WWC2: variants seen among roughly 807,000 people sequenced by gnomAD.
WWC2 encodes the protein protein WWC2.
In WWC2, 101 loss-of-function variants were observed where a neutral mutation model predicts 138.5. The observed-to-expected ratio is 0.73, with a 90% CI of 0.62 to 0.86. The LOEUF (loss-of-function observed/expected upper bound fraction) is 0.86. WWC2 is among the 40% of genes least tolerant of loss of function. WWC2 has a pLI of 0.00. For synonymous variants in WWC2, 558 were observed against 538.4 expected (o/e 1.04, Z -0.50); for missense variants, 1,420 against 1,419.4 (o/e 1.00, Z -0.01).
intron 1 of WWC2, among the ~76,000 whole-genome samples, chr4:183,188,959 T>C (rs1203426363): frequency 6.6e-6 from 1 of 152,108 alleles, no homozygotes; most frequent in African/African-American, 2.4e-5. Context: ...TAATATGACT[T>C]CCTTCCAATC....
intron 14 of WWC2, among the ~76,000 whole-genome samples, chr4:183,268,483 C>T (rs1376689051): frequency 2.0e-5 from 3 of 152,118 alleles, no homozygotes; most frequent in African/African-American, 7.2e-5. Context: ...TGCTACTGAG[C>T]CTTTCTTTTT....
At chr4:183,222,579 C>G (rs1735963367) in intron 4 of WWC2, among the ~76,000 whole-genome samples, 1 of 151,900 alleles carries the variant, frequency 6.6e-6, no homozygotes, top group Non-Finnish European at 1.5e-5. Context: ...GATGCAATAT[C>G]AAAATCCTAA....
At position 183,151,821 on chromosome 4, in the gene WWC2, C is replaced by G. The variant is rs577356397; in HGVS notation, c.132-41778C>G. On this transcript the variant is annotated intron_variant, in intron 1 of 22. Coordinates refer to ENST00000403733, the MANE Select transcript of WWC2 (RefSeq NM_024949.6). ...AATCCTTTCAACATTTCTTGTTTTT[C>G]TCAGGTTTGTCAAAGATCAGATGGT... is the stretch of plus-strand genomic sequence containing the variant. Among the ~76,000 whole-genome samples, 538 of 152,256 alleles carry G rather than the reference C, an allele frequency of 3.5e-3. 5 individuals are homozygous for G. Among genetic ancestry groups the G allele is most frequent in the Middle Eastern group, 0.02 (6 of 294 alleles).
At chr4:183,127,721 C>T (rs1267813643) in intron 1 of WWC2, among the ~76,000 whole-genome samples, 6 of 152,094 alleles carry the variant, frequency 3.9e-5, no homozygotes, top group Non-Finnish European at 7.4e-5. Flanking sequence ...AATCATTTTA[C>T]TATCTATATT....
At chr4:183,140,468 C>T (rs1377940) in intron 1 of WWC2, among the ~76,000 whole-genome samples, 19,054 of 152,070 alleles carry the variant, frequency 0.13, 1,392 homozygotes, top group South Asian at 0.21. Context: ...GATTTGAGAC[C>T]ACTGCTTCAA....
chr4:183,293,519 A>C (rs1172065304), intron 21 of WWC2, among the ~76,000 whole-genome samples: 1 of 152,240 alleles, frequency 6.6e-6, no homozygotes, highest in Non-Finnish European at 1.5e-5. Flanking sequence ...TGTGATCATA[A>C]ATAGGTAAAC....
intron 11 of WWC2, among the ~76,000 whole-genome samples, chr4:183,264,737 T>C (rs1737437013): frequency 6.6e-6 from 1 of 152,180 alleles, no homozygotes; most frequent in Non-Finnish European, 1.5e-5. Flanking sequence ...CCTTAAAATA[T>C]TTCAGGACAA....
intron 12 of WWC2, 45 bp downstream of exon 12, chr4:183,265,152 C>G: frequency 2.5e-6 from 4 of 1,573,066 alleles, no homozygotes; most frequent in Non-Finnish European, 3.5e-6. Context: ...GAATCTCCAT[C>G]GCCGTGGATG....
At position 183,316,810 on chromosome 4, in the gene WWC2, G is replaced by A. The variant is rs1319981842; in HGVS notation, c.*1081G>A. 1 of 152,134 alleles carries A rather than the reference G, an allele frequency of 6.6e-6. No homozygotes were observed. Among genetic ancestry groups the A allele is most frequent in the African/African-American group, 2.4e-5 (1 of 41,406 alleles). 9.4% of individuals were successfully genotyped at this position (152,134 alleles called of 1,614,324 possible). On this transcript the variant is annotated 3_prime_UTR_variant, in exon 23 of 23. Transcript: ENST00000403733. ...TTAGGGGGTTCTATCTATAATTTAT[G>A]GTAAATAGTTGGGAGGCAAAGGGAA... is the stretch of plus-strand genomic sequence containing the variant.
rs921609355 is a variant in WWC2, at chr4:183,320,463, G to A, written c.*4734G>A. 9 of 519,874 alleles carry A rather than the reference G, an allele frequency of 1.7e-5. No individual in the cohort carries two copies. Among genetic ancestry groups the A allele is most frequent in the South Asian group, 3.5e-5 (1 of 28,204 alleles). The allele number at this position is 519,874 out of a possible 1,614,324, so 32.2% of individuals were successfully genotyped here. ...CCAAGATTGTGTTTGTGTCCTGTGG[G>A]CTGGATTTGACAGAAAGCAGTTTGT... On this transcript the variant is annotated 3_prime_UTR_variant, in exon 23 of 23. Transcript: ENST00000403733.
chr4:183,253,603 C>T (rs2111341603), intron 8 of WWC2, among the ~76,000 whole-genome samples, 154 bp from the exon 9 acceptor site: 1 of 152,302 alleles, frequency 6.6e-6, no homozygotes, highest in South Asian at 2.1e-4. Flanking sequence ...GCTGCTCCCA[C>T]TCCGGCCTCT....
At chr4:183,189,280 C>CAA (rs959026046) in intron 1 of WWC2, among the ~76,000 whole-genome samples, 1 of 151,260 alleles carries the variant, frequency 6.6e-6, no homozygotes, top group Non-Finnish European at 1.5e-5. Context: ...ACTAAAAATA[C>CAA]AAAAAAATTA....
In WWC2 at chr4:183,315,901, C is replaced by A; in HGVS notation, c.*172C>A. The A allele has an allele frequency of 3.7e-6, 2 of 541,368 alleles. No individual in the cohort carries two copies. The highest frequency in any genetic ancestry group is 3.3e-6 in the Non-Finnish European group (1 of 306,882). 33.5% of individuals were successfully genotyped at this position (541,368 alleles called of 1,614,324 possible). A position where few individuals can be genotyped will look rare whatever the true frequency, so the allele number is the denominator to read the frequency against. ...TTCAACACATTAATTTGTAAAGTAC[C>A]TTGAGTGTAATTTTTATATGCTTAA... On this transcript the variant is annotated 3_prime_UTR_variant, in exon 23 of 23. Coordinates refer to ENST00000403733, the MANE Select transcript of WWC2 (RefSeq NM_024949.6).
At chr4:183,122,258 T>C (rs990702612) in intron 1 of WWC2, among the ~76,000 whole-genome samples, 1 of 152,206 alleles carries the variant, frequency 6.6e-6, no homozygotes. Context: ...ATAGGCCATC[T>C]GTTAGTATAT....
chr4:183,244,584 TAGAG>T (rs950712508), intron 5 of WWC2, among the ~76,000 whole-genome samples: 1 of 148,324 alleles, frequency 6.7e-6, no homozygotes, highest in East Asian at 2.0e-4. Flanking sequence ...TATATATATA[TAGAG>T]AGAGAGAGAG....
chr4:183,269,216 G>A (rs1208092053), intron 15 of WWC2, 53 bp downstream of exon 15: 3 of 1,551,078 alleles, frequency 1.9e-6, no homozygotes, highest in South Asian at 2.4e-5. Context: ...TGGGTGGTCT[G>A]AGGATATACT....
At chr4:183,144,566 G>T (rs1733395888) in intron 1 of WWC2, among the ~76,000 whole-genome samples, 1 of 152,090 alleles carries the variant, frequency 6.6e-6, no homozygotes, top group Non-Finnish European at 1.5e-5. Context: ...TTGCTAAATC[G>T]TTATTTTGAA....
chr4:183,310,480 C>T lies in WWC2; in HGVS notation c.3385-1861C>T, dbSNP rs534498328. Among the ~76,000 whole-genome samples, 322 of 152,010 alleles carry T rather than the reference C, an allele frequency of 2.1e-3. 1 individual carries two copies. Among genetic ancestry groups the T allele is most frequent in the Admixed American group, 4.3e-3 (65 of 15,268 alleles). ...ATTTCTGTTCTTTGCTGTTGTTTTTCTCTGCCACTGGTCTTCACCTGTTTG... is the reference window on the plus strand; with the variant it reads ...ATTTCTGTTCTTTGCTGTTGTTTTTTTCTGCCACTGGTCTTCACCTGTTTG... On this transcript the variant is annotated intron_variant, in intron 21 of 22. Coordinates refer to ENST00000403733, the MANE Select transcript of WWC2 (RefSeq NM_024949.6).
rs1461486428 is a variant in WWC2 at position 183,265,754 on chromosome 4, TC to T, written c.2107del (p.Gln703ArgfsTer2). The T allele has an allele frequency of 6.2e-7, 1 of 1,611,516 alleles. No homozygotes were observed. Among genetic ancestry groups the T allele is most frequent in the Admixed American group, 1.7e-5 (1 of 59,708 alleles). ...DVAIVETAQVQIGLRYNAKSS... is the reference protein window; with the variant it reads ...DVAIVETAQVXIGLRYNAKSS... ...TAGCCATTGTAGAGACCGCCCAGGT[TC>T]AGATAGGACTCAGGTAAGGAATGTA... On this transcript the variant is annotated frameshift_variant, in exon 13 of 23. Transcript: ENST00000403733. LOFTEE classifies it high-confidence loss of function.
Sources: gnomAD v4.1 joint callset for allele counts (sites outside exome capture counted in the v4.1 genomes callset) on GRCh38, gnomAD v4.1.1 for gene constraint, MANE v1.5 for transcripts, NCBI Gene and HGNC (gene_info 2026-07-23, HGNC 2026-07-21) for gene names.